The following RB1 variants were observed in gnomAD, a reference collection of about 807,000 sequenced individuals.
The protein encoded by RB1 is retinoblastoma-associated protein.
Under a neutral mutation model 135.4 loss-of-function variants are expected in RB1, and 18 were observed. The observed-to-expected ratio is 0.13, with a 90% CI of 0.09 to 0.20. RB1 has a LOEUF of 0.20. RB1 is among the 10% of genes least tolerant of loss of function. The pLI, the probability that RB1 is intolerant of heterozygous loss-of-function variation, is 1.00. For synonymous variants in RB1, 365 were observed against 373.2 expected (o/e 0.98, Z 0.25); for missense variants, 868 against 1,110.0 (o/e 0.78, Z 3.10).
chr13:48,476,425 C>A, intron 24 of RB1: 1 of 399,178 alleles, frequency 2.5e-6, no homozygotes, highest in South Asian at 2.4e-5. Flanking sequence ...GGAACCAGGA[C>A]TTGCAGAGTA....
intron 2 of RB1, chr13:48,317,832 G>T (rs185182046): frequency 8.2e-6 from 3 of 365,548 alleles, no homozygotes; most frequent in Non-Finnish European, 1.6e-5. Context: ...GCGTGCACAC[G>T]CCAGGCGGTG....
chr13:48,358,091 A>G (rs1432754145), intron 6 of RB1, among the ~76,000 whole-genome samples: 1 of 152,116 alleles, frequency 6.6e-6, no homozygotes, highest in Non-Finnish European at 1.5e-5. Context: ...CAGTAGAGAT[A>G]GTTTAATTGA....
chr13:48,439,107 A>G (rs1179598814), intron 17 of RB1, among the ~76,000 whole-genome samples: 1 of 152,210 alleles, frequency 6.6e-6, no homozygotes, highest in African/African-American at 2.4e-5. Context: ...CTCCCATACT[A>G]GTATAGCAGC....
intron 13 of RB1, among the ~76,000 whole-genome samples, chr13:48,377,800 A>C (rs1031226743): frequency 1.3e-5 from 2 of 152,280 alleles, no homozygotes; most frequent in African/African-American, 4.8e-5. Flanking sequence ...GTGTCTGTAC[A>C]AACCTAGATG....
chr13:48,406,386 TTC>T (rs1329423848), intron 17 of RB1, among the ~76,000 whole-genome samples: 1 of 152,132 alleles, frequency 6.6e-6, no homozygotes, highest in Non-Finnish European at 1.5e-5. Context: ...AAAAAAGAAT[TTC>T]TCCCATTTTA....
chr13:48,457,753 G>A (rs1008518717), intron 19 of RB1, among the ~76,000 whole-genome samples: 14 of 152,234 alleles, frequency 9.2e-5, no homozygotes, highest in Non-Finnish European at 1.6e-4. Flanking sequence ...GCGTGTCAGC[G>A]CTGCCTTGAG....
At chr13:48,443,350 T>C (rs1459555391) in intron 17 of RB1, among the ~76,000 whole-genome samples, 1 of 152,090 alleles carries the variant, frequency 6.6e-6, no homozygotes, top group East Asian at 1.9e-4. Context: ...AGCTTCTCTA[T>C]TCATTTGCTT....
chr13:48,351,335 T>C (rs1194831547), intron 6 of RB1, among the ~76,000 whole-genome samples: 1 of 152,222 alleles, frequency 6.6e-6, no homozygotes, highest in Non-Finnish European at 1.5e-5. Flanking sequence ...TAATGATCAG[T>C]GATATGGAGC....
At chr13:48,325,892 T>C (rs187244698) in intron 2 of RB1, among the ~76,000 whole-genome samples, 1 of 152,254 alleles carries the variant, frequency 6.6e-6, no homozygotes, top group African/African-American at 2.4e-5. Flanking sequence ...TATTCACATT[T>C]AAAAATTTTA....
intron 2 of RB1, among the ~76,000 whole-genome samples, chr13:48,311,121 G>A (rs1952126397): frequency 6.6e-6 from 1 of 152,074 alleles, no homozygotes; most frequent in African/African-American, 2.4e-5. Flanking sequence ...ATGATTTTAG[G>A]CAAATTGGTT....
chr13:48,472,767 A>G (rs1026128106), intron 23 of RB1, among the ~76,000 whole-genome samples: 1 of 152,150 alleles, frequency 6.6e-6, no homozygotes, highest in Non-Finnish European at 1.5e-5. Context: ...GGGCAAAAAA[A>G]TCTCTATATT....
chr13:48,424,113 A>G (rs1478075782), intron 17 of RB1: 1 of 152,644 alleles, frequency 6.6e-6, no homozygotes, highest in Non-Finnish European at 1.5e-5. Flanking sequence ...CATTATGATA[A>G]AATTTTCTAT....
chr13:48,458,513 C>G (rs184840642), intron 19 of RB1, among the ~76,000 whole-genome samples: 1 of 152,090 alleles, frequency 6.6e-6, no homozygotes, highest in Non-Finnish European at 1.5e-5. Flanking sequence ...AAGTGTCGTT[C>G]CCAACCAGCA....
At position 48,328,492 on chromosome 13, in the gene RB1, TC is replaced by T; in HGVS notation, c.265-14105del. 5 of 812,732 alleles carry T rather than the reference TC, an allele frequency of 6.2e-6. No homozygotes were observed. In the Admixed American group the frequency reaches 8.5e-5, roughly 14 times the overall value. The allele number at this position is 812,732 out of a possible 1,614,324, so 50.3% of individuals were successfully genotyped here. A position where few individuals can be genotyped will look rare whatever the true frequency, so the allele number is the denominator to read the frequency against. On this transcript the variant is annotated intron_variant, in intron 2 of 26. Coordinates refer to ENST00000267163, the MANE Select transcript of RB1 (RefSeq NM_000321.3). ...CAGCGCTGCGGCTGGAACTTTCCTCTCCATTACTCCAGCAGCTCCAGCTCAT... is the reference window on the plus strand; with the variant it reads ...CAGCGCTGCGGCTGGAACTTTCCTCTCATTACTCCAGCAGCTCCAGCTCAT...
chr13:48,414,238 C>G (rs1184875998), intron 17 of RB1, among the ~76,000 whole-genome samples: 1 of 151,534 alleles, frequency 6.6e-6, no homozygotes, highest in East Asian at 1.9e-4. Context: ...TCCCAGCTAC[C>G]CAGGAGACTG....
rs552236548 is a variant in RB1 at position 48,321,765 on chromosome 13, A to G, written c.264+14359A>G. Among the ~76,000 whole-genome samples the G allele has an allele frequency of 2.2e-3, 330 of 152,274 alleles. 2 individuals carry two copies. Among genetic ancestry groups the G allele is most frequent in the Middle Eastern group, 0.014 (4 of 294 alleles). On this transcript the variant is annotated intron_variant, in intron 2 of 26. Transcript: ENST00000267163. ...CAGCTACTCTCGAGACTGAGGCAGG[A>G]GAATGACATGAACCCAGGAGGCGGA...
intron 18 of RB1, among the ~76,000 whole-genome samples, chr13:48,454,620 TATA>T (rs906297450): frequency 4.1e-4 from 62 of 151,860 alleles, no homozygotes; most frequent in African/African-American, 1.4e-3. Context: ...GATTTTAGAG[TATA>T]ATAAGTGCTA....
chr13:48,339,427 G>A (rs1461985918), intron 2 of RB1, among the ~76,000 whole-genome samples: 3 of 152,212 alleles, frequency 2.0e-5, no homozygotes, highest in Non-Finnish European at 4.4e-5. Flanking sequence ...TCAGACTGCT[G>A]TGCTAGCAAT....
At chr13:48,317,665 CT>C (rs1161332497) in intron 2 of RB1, 4 of 527,872 alleles carry the variant, frequency 7.6e-6, no homozygotes, top group African/African-American at 4.2e-5. Context: ...GACACTGCCA[CT>C]GGTGCTCCTG....
Sources: allele counts gnomAD v4.1 joint callset (sites outside exome capture counted in the v4.1 genomes callset), GRCh38; gene constraint gnomAD v4.1.1; transcripts MANE v1.5; gene names NCBI Gene and HGNC (gene_info 2026-07-23, HGNC 2026-07-21).